KCNQ5: variants seen among roughly 807,000 people sequenced by gnomAD.
KCNQ5 encodes the protein potassium voltage-gated channel subfamily Q member 5.
KCNQ5 carries 30 observed loss-of-function variants against 98.2 expected under a neutral mutation model. The observed-to-expected ratio is 0.31, with a 90% CI of 0.23 to 0.41. The LOEUF (loss-of-function observed/expected upper bound fraction) is 0.41. KCNQ5 is among the 10% of genes least tolerant of loss of function. KCNQ5 has a pLI of 1.00. For missense variants in KCNQ5, 835 were observed against 1,182.5 expected (o/e 0.71, Z 4.31); for synonymous variants, 458 against 449.4 (o/e 1.02, Z -0.24).
At chr6:72,764,749 C>A (rs1256549025) in intron 1 of KCNQ5, among the ~76,000 whole-genome samples, 2 of 151,948 alleles carry the variant, frequency 1.3e-5, no homozygotes, top group African/African-American at 4.8e-5. Flanking sequence ...TTCCTACTTC[C>A]CCCTGCCCCC....
At chr6:72,797,384 C>G (rs1015139910) in intron 1 of KCNQ5, among the ~76,000 whole-genome samples, 52 of 151,624 alleles carry the variant, frequency 3.4e-4, no homozygotes, top group African/African-American at 1.2e-3. Flanking sequence ...ACGCACCTGT[C>G]ATCCCAGCTA....
chr6:73,096,397 CA>C (rs1774500663), intron 5 of KCNQ5, among the ~76,000 whole-genome samples: 1 of 145,048 alleles, frequency 6.9e-6, no homozygotes, highest in Non-Finnish European at 1.5e-5. Context: ...GGGGCAGAAG[CA>C]GAATGAGAGA....
chr6:73,048,200 C>T (rs545036335), intron 3 of KCNQ5, among the ~76,000 whole-genome samples: 9 of 152,286 alleles, frequency 5.9e-5, no homozygotes, highest in Admixed American at 5.2e-4. Context: ...GCTACCTTAG[C>T]TTGGGTGGTC....
intron 1 of KCNQ5, among the ~76,000 whole-genome samples, chr6:72,783,462 AAT>A (rs908033923): frequency 2.6e-5 from 4 of 152,236 alleles, no homozygotes; most frequent in Non-Finnish European, 5.9e-5. Context: ...ACTAAATCAC[AAT>A]ATGCAAGACA....
intron 1 of KCNQ5, among the ~76,000 whole-genome samples, chr6:72,982,545 T>A (rs886126848): frequency 1.3e-5 from 2 of 149,680 alleles, no homozygotes; most frequent in Admixed American, 1.3e-4. Context: ...CCTCCATCTC[T>A]TTATCTTGAG....
At chr6:72,828,362 A>G (rs1481784157) in intron 1 of KCNQ5, among the ~76,000 whole-genome samples, 2 of 152,184 alleles carry the variant, frequency 1.3e-5, no homozygotes, top group African/African-American at 4.8e-5. Context: ...ATCCATGACC[A>G]TAGGATCTTT....
intron 1 of KCNQ5, among the ~76,000 whole-genome samples, chr6:72,628,306 C>T (rs759564549): frequency 2.0e-5 from 3 of 152,156 alleles, no homozygotes; most frequent in Non-Finnish European, 2.9e-5. Context: ...GAGATTAGTG[C>T]TTTGCTTGTA....
chr6:73,032,636 G>C (rs1771201262), intron 2 of KCNQ5, among the ~76,000 whole-genome samples: 1 of 152,124 alleles, frequency 6.6e-6, no homozygotes, highest in Non-Finnish European at 1.5e-5. Context: ...AAGTTGCACT[G>C]GTTAATTTGT....
chr6:73,026,775 G>A lies in KCNQ5; in HGVS notation c.490-15161G>A, dbSNP rs114441343. On this transcript the variant is annotated intron_variant, in intron 2 of 13. Transcript: ENST00000370398. ...TTCTGTGTATCAGGCACTGTTCTAAGCACTGTAAAAATATTAATTCATTTA... is the reference window on the plus strand; with the variant it reads ...TTCTGTGTATCAGGCACTGTTCTAAACACTGTAAAAATATTAATTCATTTA... 7.9e-3 allele frequency among the ~76,000 whole-genome samples: 1,197 copies of A among 152,060 alleles called. 13 individuals are homozygous for A. The highest frequency in any genetic ancestry group is 0.027 in the African/African-American group (1,138 of 41,470).
At chr6:73,032,443 T>C (rs6921182) in intron 2 of KCNQ5, among the ~76,000 whole-genome samples, 95,603 of 152,144 alleles carry the variant, frequency 0.63, 33,253 homozygotes, top group Non-Finnish European at 0.79. Context: ...GCTGAGATTA[T>C]GGGCATGAAC....
intron 1 of KCNQ5, among the ~76,000 whole-genome samples, chr6:72,841,788 T>G (rs1244400852): frequency 2.0e-5 from 3 of 152,180 alleles, no homozygotes; most frequent in African/African-American, 7.2e-5. Flanking sequence ...TTAAAAGATA[T>G]GGAGCTCATC....
At chr6:72,683,848 T>C (rs1245458817) in intron 1 of KCNQ5, among the ~76,000 whole-genome samples, 1 of 152,212 alleles carries the variant, frequency 6.6e-6, no homozygotes, top group Non-Finnish European at 1.5e-5. Flanking sequence ...TAGGTTTACA[T>C]TGTCTGGAGC....
chr6:72,759,284 G>A (rs1430360794), intron 1 of KCNQ5, among the ~76,000 whole-genome samples: 1 of 152,134 alleles, frequency 6.6e-6, no homozygotes, highest in African/African-American at 2.4e-5. Context: ...TAAGTCTGAG[G>A]TCAAAAGACA....
chr6:72,925,736 G>A (rs558010126), intron 1 of KCNQ5, among the ~76,000 whole-genome samples: 1 of 152,276 alleles, frequency 6.6e-6, no homozygotes, highest in Non-Finnish European at 1.5e-5. Context: ...AGGAGTGAAG[G>A]ATTGTTCTGG....
chr6:72,672,062 C>T lies in KCNQ5; in HGVS notation c.398+49475C>T, dbSNP rs192220174. Among the ~76,000 whole-genome samples the T allele has an allele frequency of 4.6e-5, 7 of 151,366 alleles. No individual in the cohort carries two copies. The East Asian group carries it at 9.7e-4, about 21-fold the overall frequency. ...CAATCTTCTGACCTCATGATCCGCCCGCCTCGGCCTCCCAAAGTGCTGGGA... is the reference window on the plus strand; with the variant it reads ...CAATCTTCTGACCTCATGATCCGCCTGCCTCGGCCTCCCAAAGTGCTGGGA... On this transcript the variant is annotated intron_variant, in intron 1 of 13. Coordinates refer to ENST00000370398, the MANE Select transcript of KCNQ5 (RefSeq NM_019842.4).
rs904528016 is a variant in KCNQ5 at position 72,976,153 on chromosome 6, A to G, written c.399-27755A>G. 4.6e-5 allele frequency among the ~76,000 whole-genome samples: 7 copies of G among 152,296 alleles called. No individual in the cohort carries two copies. In the East Asian group the frequency reaches 1.3e-3, roughly 29 times the overall value. The stretch of plus-strand genomic sequence containing the variant: ...TTTCTTACTTTAGTTCCCAATAATC[A>G]TACTTAAATAAATGTACTCCAGAGT... On this transcript the variant is annotated intron_variant, in intron 1 of 13. Coordinates refer to ENST00000370398, the MANE Select transcript of KCNQ5 (RefSeq NM_019842.4).
rs138528332 is a variant in KCNQ5, at chr6:73,006,946, G to T, written c.489+2948G>T. 1.8e-3 allele frequency among the ~76,000 whole-genome samples: 268 copies of T among 152,262 alleles called. 1 individual carries two copies. Among genetic ancestry groups the T allele is most frequent in the African/African-American group, 6.1e-3 (255 of 41,546 alleles). On this transcript the variant is annotated intron_variant, in intron 2 of 13. Transcript: ENST00000370398. The stretch of plus-strand genomic sequence containing the variant: ...CAGGCAAACCTGGCTTGTAGACAGA[G>T]CCCTCTTTGACACTCACTCTTTTCC...
chr6:73,179,015 G>A (rs189323065), intron 11 of KCNQ5, among the ~76,000 whole-genome samples: 16 of 152,282 alleles, frequency 1.1e-4, no homozygotes, highest in East Asian at 7.7e-4. Context: ...GAAATTCTGT[G>A]ATCAAAAGGC....
At chr6:72,941,479 C>T (rs1430277895) in intron 1 of KCNQ5, among the ~76,000 whole-genome samples, 2 of 133,436 alleles carry the variant, frequency 1.5e-5, no homozygotes. Context: ...TCCCTCCTTC[C>T]CTCCCTCCCT....
Sources: allele counts gnomAD v4.1 joint callset (sites outside exome capture counted in the v4.1 genomes callset), GRCh38; gene constraint gnomAD v4.1.1; transcripts MANE v1.5; gene names NCBI Gene and HGNC (gene_info 2026-07-23, HGNC 2026-07-21).